Variants in SLC25A21 observed in about 807,000 individuals in gnomAD.
The protein encoded by SLC25A21 is mitochondrial 2-oxodicarboxylate carrier.
SLC25A21 carries 47 observed loss-of-function variants against 43.8 expected under a neutral mutation model. The ratio of observed to expected loss-of-function variants is 1.07; its 90% confidence interval spans 0.85 to 1.37. SLC25A21 has a LOEUF of 1.37. Among genes scored for constraint, SLC25A21 ranks in the 40% most tolerant of loss-of-function variants. The pLI, the probability that SLC25A21 is intolerant of heterozygous loss-of-function variation, is 0.00. For missense variants in SLC25A21, 352 were observed against 350.2 expected, an observed-to-expected ratio of 1.00 and a Z score of -0.04; for synonymous variants, 131 against 121.3, an observed-to-expected ratio of 1.08 and a Z score of -0.52.
intron 2 of SLC25A21, among the ~76,000 whole-genome samples, chr14:36,848,962 C>T (rs1461667245): frequency 1.3e-5 from 2 of 152,158 alleles, no homozygotes; most frequent in Non-Finnish European, 2.9e-5. Context: ...CCTATTAGTG[C>T]AGGCCCAGAT....
chr14:37,056,784 C>T (rs1961839709), intron 1 of SLC25A21, among the ~76,000 whole-genome samples: 1 of 152,190 alleles, frequency 6.6e-6, no homozygotes, highest in Admixed American at 6.5e-5. Context: ...AACGTTCATC[C>T]ATATCCATCA....
intron 1 of SLC25A21, among the ~76,000 whole-genome samples, chr14:36,934,511 C>T (rs866626143): frequency 6.7e-6 from 1 of 150,252 alleles, no homozygotes; most frequent in Non-Finnish European, 1.5e-5. Context: ...GGAATTAACT[C>T]TTCATTTATA....
intron 1 of SLC25A21, among the ~76,000 whole-genome samples, chr14:36,941,316 A>G (rs1892551268): frequency 6.6e-6 from 1 of 152,052 alleles, no homozygotes; most frequent in African/African-American, 2.4e-5. Context: ...GGCTTCCATC[A>G]TTTTCAAAGA....
intron 7 of SLC25A21, among the ~76,000 whole-genome samples, chr14:36,705,635 A>G (rs1883511902): frequency 6.6e-6 from 1 of 152,124 alleles, no homozygotes; most frequent in African/African-American, 2.4e-5. Flanking sequence ...ACAATTCCCC[A>G]TTTCCACTCC....
At chr14:37,123,841 T>C (rs941312358) in intron 1 of SLC25A21, among the ~76,000 whole-genome samples, 1 of 152,046 alleles carries the variant, frequency 6.6e-6, no homozygotes, top group Non-Finnish European at 1.5e-5. Flanking sequence ...CTGGGTGACA[T>C]AGTGAGAACT....
chr14:36,810,446 A>G (rs954002022), intron 3 of SLC25A21, among the ~76,000 whole-genome samples: 4 of 152,200 alleles, frequency 2.6e-5, no homozygotes, highest in Admixed American at 1.3e-4. Flanking sequence ...TTCATTGGCT[A>G]TGTAATAAAC....
intron 1 of SLC25A21, among the ~76,000 whole-genome samples, chr14:37,065,731 T>G (rs1488829301): frequency 1.3e-5 from 2 of 152,184 alleles, no homozygotes; most frequent in African/African-American, 4.8e-5. Context: ...GAAGGGTACA[T>G]TCAAACACTT....
chr14:36,933,508 T>C (rs568142355), intron 1 of SLC25A21, among the ~76,000 whole-genome samples: 27 of 152,292 alleles, frequency 1.8e-4, no homozygotes, highest in African/African-American at 5.5e-4. Context: ...TCAAAAGCTT[T>C]ACTTAGATGG....
At chr14:36,957,059 G>A (rs1467964579) in intron 1 of SLC25A21, among the ~76,000 whole-genome samples, 1 of 152,202 alleles carries the variant, frequency 6.6e-6, no homozygotes, top group East Asian at 1.9e-4. Context: ...GCTATTTGTT[G>A]CCAAAGTGTA....
At chr14:36,727,488 G>C (rs1884648872) in intron 5 of SLC25A21, among the ~76,000 whole-genome samples, 1 of 152,162 alleles carries the variant, frequency 6.6e-6, no homozygotes, top group South Asian at 2.1e-4. Flanking sequence ...AGAAGTTCAA[G>C]ACCAGCCTGG....
intron 2 of SLC25A21, among the ~76,000 whole-genome samples, chr14:36,844,320 T>TCAC (rs1889477158): frequency 6.6e-6 from 1 of 152,184 alleles, no homozygotes; most frequent in South Asian, 2.1e-4. Context: ...GTCTGACAAT[T>TCAC]TGCTCCCACT....
rs1010087881 is a variant in SLC25A21, at chr14:37,051,286, A to G, written c.70+120995T>C. ...TACCTGAGGGAGAAGGGGCAGAAGG[A>G]ATATTGTTTGTGACAGACTAGGGGC... On this transcript the variant is annotated intron_variant, in intron 1 of 9. Transcript: ENST00000331299. 5.9e-5 allele frequency among the ~76,000 whole-genome samples: 9 copies of G among 152,322 alleles called. No individual in the cohort carries two copies. The East Asian group carries it at 1.5e-3, about 26-fold the overall frequency.
chr14:37,030,870 A>G (rs1190015632), intron 1 of SLC25A21, among the ~76,000 whole-genome samples: 1 of 152,136 alleles, frequency 6.6e-6, no homozygotes, highest in Non-Finnish European at 1.5e-5. Flanking sequence ...GTAGCAGTCA[A>G]TTGGCACCAG....
chr14:37,072,510 T>G (rs1335761736), intron 1 of SLC25A21, among the ~76,000 whole-genome samples: 1 of 152,188 alleles, frequency 6.6e-6, no homozygotes, highest in African/African-American at 2.4e-5. Flanking sequence ...CTCACGCCTG[T>G]AATCCCAGCA....
chr14:37,100,851 T>C (rs757187276), intron 1 of SLC25A21, among the ~76,000 whole-genome samples: 2 of 152,204 alleles, frequency 1.3e-5, no homozygotes, highest in Non-Finnish European at 2.9e-5. Flanking sequence ...TATTGGGTGA[T>C]TGGGGGGTTG....
chr14:36,895,187 G>T (rs1018783842), intron 1 of SLC25A21, among the ~76,000 whole-genome samples: 3 of 152,272 alleles, frequency 2.0e-5, no homozygotes, highest in African/African-American at 7.2e-5. Flanking sequence ...TTTTCGGTTG[G>T]TAAGCTATTA....
intron 1 of SLC25A21, among the ~76,000 whole-genome samples, chr14:36,960,783 C>A (rs1226680950): frequency 1.3e-5 from 2 of 152,036 alleles, no homozygotes; most frequent in African/African-American, 4.8e-5. Context: ...ATAGCCAAAA[C>A]AAAAAAGAAA....
intron 1 of SLC25A21, among the ~76,000 whole-genome samples, chr14:36,976,846 C>T (rs923418548): frequency 2.0e-5 from 3 of 152,220 alleles, no homozygotes; most frequent in Admixed American, 6.5e-5. Flanking sequence ...CTTTGAGAGC[C>T]TTGCTTGAAA....
chr14:36,782,519 C>T (rs1421701871), intron 3 of SLC25A21, among the ~76,000 whole-genome samples: 1 of 152,094 alleles, frequency 6.6e-6, no homozygotes, highest in Non-Finnish European at 1.5e-5. Flanking sequence ...GCTATCTTTG[C>T]ATTTGAAGAT....
Sources: allele counts gnomAD v4.1 joint callset (sites outside exome capture counted in the v4.1 genomes callset), GRCh38; gene constraint gnomAD v4.1.1; transcripts MANE v1.5; gene names NCBI Gene and HGNC (gene_info 2026-07-23, HGNC 2026-07-21).